PITRM1: variants seen among roughly 807,000 people sequenced by gnomAD.
PITRM1 encodes pitrilysin metallopeptidase 1.
A neutral mutation model predicts 129.9 loss-of-function variants in PITRM1; 100 were observed. The observed-to-expected ratio is 0.77, with a 90% CI of 0.65 to 0.91. The LOEUF (loss-of-function observed/expected upper bound fraction) is 0.91, where lower values mean the gene tolerates loss of function less well. Ranked by LOEUF, PITRM1 falls within the 40% of genes least tolerant of loss-of-function variation. The pLI is 0.00. For synonymous variants in PITRM1, 591 were observed against 508.8 expected (o/e 1.16, Z -2.17); for missense variants, 1,471 against 1,318.3 (o/e 1.12, Z -1.79).
At position 3,169,724 on chromosome 10, in the gene PITRM1, G is replaced by A. The variant is rs555978731; in HGVS notation, c.159+380C>T. On this transcript the variant is annotated intron_variant, in intron 2 of 26. Coordinates refer to ENST00000224949, the MANE Select transcript of PITRM1 (RefSeq NM_014889.4). Reference sequence around the variant, plus strand: ...GGCTCAGAAAACTGAAAGGTTCTGCGGACGTTTAGAGCAAGCTATTTGATG... The same window carrying A: ...GGCTCAGAAAACTGAAAGGTTCTGCAGACGTTTAGAGCAAGCTATTTGATG... Among the ~76,000 whole-genome samples the A allele has an allele frequency of 4.6e-5, 7 of 152,310 alleles. No homozygotes were observed. The South Asian group carries it at 1.2e-3, about 27-fold the overall frequency.
At chr10:3,160,411 A>G (rs917271424) in intron 7 of PITRM1, 81 bp from the exon 8 acceptor site, 6 of 1,166,356 alleles carry the variant, frequency 5.1e-6, no homozygotes, top group East Asian at 4.7e-5. Flanking sequence ...ACTGAAACAC[A>G]GCACAGGAGT....
rs769472265 is a variant in PITRM1, at chr10:3,138,349, T to C, written c.2918-12A>G. 1 of 1,596,686 alleles carries C rather than the reference T, an allele frequency of 6.3e-7. No homozygotes were observed. The highest frequency in any genetic ancestry group is 8.6e-7 in the Non-Finnish European group (1 of 1,164,560). On this transcript the variant is annotated splice_polypyrimidine_tract_variant and intron_variant, in intron 25 of 26. Coordinates refer to ENST00000224949, the MANE Select transcript of PITRM1 (RefSeq NM_014889.4). Reference sequence around the variant, plus strand: ...GAAGTGGTCCATTCCTAGAAGACAATCCACAGGCACGATGGAGCCGCTGCC... The same window carrying C: ...GAAGTGGTCCATTCCTAGAAGACAACCCACAGGCACGATGGAGCCGCTGCC...
At chr10:3,157,834 G>T (rs1422804037) in intron 11 of PITRM1, among the ~76,000 whole-genome samples, 1 of 152,176 alleles carries the variant, frequency 6.6e-6, no homozygotes, top group Non-Finnish European at 1.5e-5. Context: ...GCGAGACCCT[G>T]TCTCAAAACA....
In PITRM1 at chr10:3,172,707, A is replaced by C; in HGVS notation, c.56+10T>G. ...CAGCGCGCCGAGCGCCTCCCGTCGC[A>C]GCGTCTCACCCGCCGCTCAGCCGCC... is the stretch of plus-strand genomic sequence containing the variant. On this transcript the variant is annotated intron_variant, in intron 1 of 26. Coordinates refer to ENST00000224949, the MANE Select transcript of PITRM1 (RefSeq NM_014889.4). The C allele has an allele frequency of 2.6e-6, 4 of 1,535,998 alleles. No individual in the cohort carries two copies. The highest frequency in any genetic ancestry group is 3.5e-6 in the Non-Finnish European group (4 of 1,141,912).
rs558366687 is a variant in PITRM1 at position 3,141,640 on chromosome 10, G to A, written c.2646-828C>T. ...TCCACCTCCGACAGAAGGCGGGGCA[G>A]ACAATGATGGGAGGGTCTGCAGCAC... is the stretch of plus-strand genomic sequence containing the variant. On this transcript the variant is annotated intron_variant, in intron 23 of 26. Coordinates refer to ENST00000224949, the MANE Select transcript of PITRM1 (RefSeq NM_014889.4). The A allele has an allele frequency of 1.7e-5, 8 of 470,264 alleles. No homozygotes were observed. The East Asian group carries it at 5.6e-4, about 33-fold the overall frequency. The allele number at this position is 470,264 out of a possible 1,614,324, so 29.1% of individuals were successfully genotyped here.
intron 24 of PITRM1, among the ~76,000 whole-genome samples, chr10:3,139,809 T>TG (rs1839996508): frequency 6.6e-6 from 1 of 152,226 alleles, no homozygotes; most frequent in Non-Finnish European, 1.5e-5. Flanking sequence ...CACAGGCACT[T>TG]GCCACTGCGG....
intron 20 of PITRM1, chr10:3,146,557 G>A (rs1840888700): frequency 6.6e-6 from 1 of 152,458 alleles, no homozygotes; most frequent in African/African-American, 2.4e-5. Context: ...GCCACCCACA[G>A]ACCGCCCTGT....
At chr10:3,166,794 G>A in intron 3 of PITRM1, 142 bp downstream of exon 3, 1 of 554,258 alleles carries the variant, frequency 1.8e-6, no homozygotes, top group Non-Finnish European at 3.2e-6. Flanking sequence ...TAGCTCATCA[G>A]CTGTCCTTAG....
rs766013202 is a variant in PITRM1, at chr10:3,148,090, G to A, written c.1993-27C>T. 8.1e-6 allele frequency: 13 copies of A among 1,613,682 alleles called. No homozygotes were observed. The East Asian group carries it at 2.7e-4, about 33-fold the overall frequency. On this transcript the variant is annotated intron_variant, in intron 17 of 26. Transcript: ENST00000224949. ...TGAACCAAAGAAAACACAGAAGAAA[G>A]GAATTAGGGCCGAATCGAACAGTGA...
At chr10:3,153,035 T>C (rs371486504) in intron 14 of PITRM1, among the ~76,000 whole-genome samples, 46 of 152,366 alleles carry the variant, frequency 3.0e-4, no homozygotes, top group East Asian at 1.2e-3. Context: ...CTTTTCTGCA[T>C]TGTTGTTCTC....
chr10:3,156,546 C>G (rs1349930292), intron 13 of PITRM1, among the ~76,000 whole-genome samples: 1 of 152,156 alleles, frequency 6.6e-6, no homozygotes, highest in Non-Finnish European at 1.5e-5. Context: ...GCACAACTGC[C>G]TAAAAATCTG....
At chr10:3,147,481 G>C in intron 19 of PITRM1, 91 bp downstream of exon 19, 1 of 1,380,540 alleles carries the variant, frequency 7.2e-7, no homozygotes, top group South Asian at 1.2e-5. Context: ...TAGCATTTCT[G>C]GGACATAAAT....
chr10:3,151,498 G>A (rs924082671), intron 14 of PITRM1, 135 bp from the exon 15 acceptor site: 8 of 621,702 alleles, frequency 1.3e-5, no homozygotes, highest in Non-Finnish European at 2.0e-5. Context: ...GAGCACTGTG[G>A]TTTGCAAAGT....
At chr10:3,146,476 C>G (rs1840876292) in intron 20 of PITRM1, 1 of 152,328 alleles carries the variant, frequency 6.6e-6, no homozygotes, top group Non-Finnish European at 1.5e-5. Flanking sequence ...GAGTGCTGAC[C>G]CGGCGGCACC....
At chr10:3,141,869 C>T (rs926693769) in intron 23 of PITRM1, 4 of 223,204 alleles carry the variant, frequency 1.8e-5, no homozygotes, top group Admixed American at 5.5e-5. Flanking sequence ...CAGCGCCACT[C>T]GGGTGGCTGG....
chr10:3,172,807 C>T (rs901212259), upstream of PITRM1: 4 of 1,533,354 alleles, frequency 2.6e-6, no homozygotes, highest in Non-Finnish European at 2.6e-6. Flanking sequence ...CGAGGAACCC[C>T]CTCTTAACCC....
chr10:3,147,644 G>C lies in PITRM1; in HGVS notation c.2163C>G (p.Tyr721Ter), dbSNP rs539148366. The C allele has an allele frequency of 6.2e-7, 1 of 1,613,956 alleles. No individual in the cohort carries two copies. Among genetic ancestry groups the C allele is most frequent in the Non-Finnish European group, 8.5e-7 (1 of 1,179,866 alleles). ...GGGTCCGGCCTGCCCTGATGGATGC[G>C]TACAGGTGCCCAGAGTCAGGAATTC... Reference protein sequence around the residue: ...ANGIPDSGHLYASIRAGRTLT... With the variant: ...ANGIPDSGHL The change falls in exon 19 of 27, where the codon TAC becomes TAG. Residue 721 changes from tyrosine to a stop codon, truncating the protein, a stop_gained. Transcript: ENST00000224949. LOFTEE classifies it high-confidence loss of function.
chr10:3,156,456 C>T (rs1395078223), intron 13 of PITRM1, among the ~76,000 whole-genome samples: 1 of 152,196 alleles, frequency 6.6e-6, no homozygotes, highest in African/African-American at 2.4e-5. Context: ...TCACAGCAGA[C>T]AACAGTCTCT....
intron 23 of PITRM1, among the ~76,000 whole-genome samples, chr10:3,142,087 G>C (rs1307573076): frequency 1.3e-5 from 2 of 152,170 alleles, no homozygotes; most frequent in South Asian, 4.1e-4. Context: ...CACTGCCCAG[G>C]GGGAACCTCC....
Sources: gnomAD v4.1 joint callset for allele counts (sites outside exome capture counted in the v4.1 genomes callset) on GRCh38, gnomAD v4.1.1 for gene constraint, MANE v1.5 for transcripts, NCBI Gene and HGNC (gene_info 2026-07-23, HGNC 2026-07-21) for gene names.